FSHB: variants seen among roughly 807,000 people sequenced by gnomAD.
FSHB encodes the protein follitropin subunit beta.
In FSHB, 8 loss-of-function variants were observed where a neutral mutation model predicts 12.1. The ratio of observed to expected loss-of-function variants is 0.66; its 90% CI spans 0.39 to 1.19. FSHB has a LOEUF of 1.19. Among genes scored for constraint, FSHB ranks in the 50% most tolerant of loss-of-function variants. The pLI is 0.01. For synonymous variants in FSHB, 55 were observed against 54.6 expected, an observed-to-expected ratio of 1.01 and a Z score of -0.04; for missense variants, 153 against 157.2, an observed-to-expected ratio of 0.97 and a Z score of 0.14.
rs925059416 is a variant in FSHB, at chr11:30,235,107, G to T, written c.*1307G>T. The T allele has an allele frequency of 6.6e-6, 1 of 151,946 alleles. No individual in the cohort carries two copies. Among genetic ancestry groups the T allele is most frequent in the African/African-American group, 2.4e-5 (1 of 41,370 alleles). 9.4% of individuals were successfully genotyped at this position (151,946 alleles called of 1,614,324 possible). ...ATATTCTGTATTTTATAATATTAGTGGAATGAAATCTTAAAATATAATTCC... is the reference window on the plus strand; with the variant it reads ...ATATTCTGTATTTTATAATATTAGTTGAATGAAATCTTAAAATATAATTCC... On this transcript the variant is annotated 3_prime_UTR_variant, in exon 3 of 3. Transcript: ENST00000533718.
In FSHB at chr11:30,233,551, C is replaced by A; in HGVS notation, c.160-19C>A. Reference sequence around the variant, plus strand: ...ACTTCCACAATACCATAACCTAACTCTCTTCTTAAACTCCTCAGGATCTGG... The same window carrying A: ...ACTTCCACAATACCATAACCTAACTATCTTCTTAAACTCCTCAGGATCTGG... On this transcript the variant is annotated intron_variant, in intron 2 of 2. Coordinates refer to ENST00000533718, the MANE Select transcript of FSHB (RefSeq NM_001382289.1). 1.3e-6 allele frequency: 2 copies of A among 1,587,512 alleles called. No homozygotes were observed. The highest frequency in any genetic ancestry group is 1.7e-6 in the Non-Finnish European group (2 of 1,155,932).
In FSHB at chr11:30,233,926, CCTGGTCTACTGG is replaced by C; in HGVS notation, c.*128_*139del. 1 of 783,194 alleles carries C rather than the reference CCTGGTCTACTGG, an allele frequency of 1.3e-6. No individual in the cohort carries two copies. Among genetic ancestry groups the C allele is most frequent in the South Asian group, 1.5e-5 (1 of 67,506 alleles). The allele number at this position is 783,194 out of a possible 1,614,324, so 48.5% of individuals were successfully genotyped here. A position where few individuals can be genotyped will look rare whatever the true frequency, so the allele number is the denominator to read the frequency against. ...TCAGGGGATTCAGACTCTACTGATC[CCTGGTCTACTGG>C]CAGAGGGAACTCTGGGAATTGAGAG... On this transcript the variant is annotated 3_prime_UTR_variant, in exon 3 of 3. Transcript: ENST00000533718.
At position 30,234,996 on chromosome 11, in the gene FSHB, T is replaced by A. The variant is rs992487772; in HGVS notation, c.*1196T>A. ...TTTCACACTCATATTGTTTAACTAA[T>A]TTATTTAAATCTTATTTTTTTAATA... On this transcript the variant is annotated 3_prime_UTR_variant, in exon 3 of 3. Transcript: ENST00000533718. 1.3e-5 allele frequency: 2 copies of A among 152,198 alleles called. No individual in the cohort carries two copies. Among genetic ancestry groups the A allele is most frequent in the Non-Finnish European group, 2.9e-5 (2 of 68,028 alleles). 9.4% of individuals were successfully genotyped at this position (152,198 alleles called of 1,614,324 possible). A position where few individuals can be genotyped will look rare whatever the true frequency, so the allele number is the denominator to read the frequency against.
rs1235254538 is a variant in FSHB, at chr11:30,234,330, G to T, written c.*530G>T. On this transcript the variant is annotated 3_prime_UTR_variant, in exon 3 of 3. Coordinates refer to ENST00000533718, the MANE Select transcript of FSHB (RefSeq NM_001382289.1). ...GAAAATACTGGAAGACGATGTTTGA[G>T]GTAAGCTGATGAGGCTGCCCGCAGC... 2 of 169,328 alleles carry T rather than the reference G, an allele frequency of 1.2e-5. No homozygotes were observed. The highest frequency in any genetic ancestry group is 2.4e-5 in the African/African-American group (1 of 41,722). The allele number at this position is 169,328 out of a possible 1,614,324, so 10.5% of individuals were successfully genotyped here.
At position 30,233,782 on chromosome 11, in the gene FSHB, T is replaced by C. The variant is rs1735749165; in HGVS notation, c.372T>C (p.Phe124=). 1 of 1,613,632 alleles carries C rather than the reference T, an allele frequency of 6.2e-7. No homozygotes were observed. The change falls in exon 3 of 3, where the codon TTT becomes TTC. Residue 124 remains phenylalanine (F), a synonymous_variant. Transcript: ENST00000533718. ...VRGLGPSYCS[F]GEMKE ...GCCTGGGGCCCAGCTACTGCTCCTT[T>C]GGTGAAATGAAAGAATAAAGATCAG...
At chr11:30,231,235 G>A (rs1396102822) in intron 1 of FSHB, among the ~76,000 whole-genome samples, 187 bp downstream of exon 1, 1 of 152,158 alleles carries the variant, frequency 6.6e-6, no homozygotes, top group African/African-American at 2.4e-5. Flanking sequence ...TGACTTTATA[G>A]ACCAATATGC....
chr11:30,233,997 C>G lies in FSHB; in HGVS notation c.*197C>G. 6.6e-6 allele frequency: 4 copies of G among 604,404 alleles called. No homozygotes were observed. In the South Asian group the frequency reaches 7.4e-5, roughly 11 times the overall value. 37.4% of individuals were successfully genotyped at this position (604,404 alleles called of 1,614,324 possible). A position where few individuals can be genotyped will look rare whatever the true frequency, so the allele number is the denominator to read the frequency against. Reference sequence around the variant, plus strand: ...GCCAGGACTCCATCATGATTCAGCTCTATATTCCTAGGTCTGATTTCATAA... The same window carrying G: ...GCCAGGACTCCATCATGATTCAGCTGTATATTCCTAGGTCTGATTTCATAA... On this transcript the variant is annotated 3_prime_UTR_variant, in exon 3 of 3. Transcript: ENST00000533718.
Position 30,233,652 on chromosome 11 carries a change from T to C in FSHB, c.242T>C (p.Val81Ala). 1.9e-6 allele frequency: 3 copies of C among 1,613,990 alleles called. No homozygotes were observed. Among genetic ancestry groups the C allele is most frequent in the Non-Finnish European group, 2.5e-6 (3 of 1,179,952 alleles). The change falls in exon 3 of 3, where the codon GTG becomes GCG. Residue 81 changes from valine (V) to alanine (A), a missense_variant. Transcript: ENST00000533718. ...GAACTGGTATACGAAACAGTGAGAG[T>C]GCCCGGCTGTGCTCACCATGCAGAT... ...FKELVYETVR[V>A]PGCAHHADSL...
chr11:30,232,005 T>G lies in FSHB; in HGVS notation c.103T>G (p.Cys35Gly), dbSNP rs989734200. 6.2e-7 allele frequency: 1 copy of G among 1,613,990 alleles called. No homozygotes were observed. The highest frequency in any genetic ancestry group is 8.5e-7 in the Non-Finnish European group (1 of 1,179,880). The change falls in exon 2 of 3, where the codon TGT (cysteine) becomes GGT (glycine). Residue 35 changes from cysteine (C) to glycine (G), a missense_variant. Transcript: ENST00000533718. ...NITIAIEKEE[C>G]RFCISINTTW... ...CACCATTGCAATAGAGAAAGAAGAA[T>G]GTCGTTTCTGCATAAGCATCAACAC...
Position 30,233,917 on chromosome 11 carries a change from C to T in FSHB, c.*117C>T. On this transcript the variant is annotated 3_prime_UTR_variant, in exon 3 of 3. Coordinates refer to ENST00000533718, the MANE Select transcript of FSHB (RefSeq NM_001382289.1). ...ACCACTGGATCAGGGGATTCAGACT[C>T]TACTGATCCCTGGTCTACTGGCAGA... 1 of 817,188 alleles carries T rather than the reference C, an allele frequency of 1.2e-6. No homozygotes were observed. Among genetic ancestry groups the T allele is most frequent in the Non-Finnish European group, 2.0e-6 (1 of 491,872 alleles). The allele number at this position is 817,188 out of a possible 1,614,324, so 50.6% of individuals were successfully genotyped here.
chr11:30,231,757 A>C, intron 1 of FSHB, 109 bp from the exon 2 acceptor site: 1 of 803,242 alleles, frequency 1.2e-6, no homozygotes, highest in Non-Finnish European at 2.1e-6. Context: ...AAAAGGCATA[A>C]GGAAGGAAAA....
rs1173556544 is a variant in FSHB at position 30,234,572 on chromosome 11, T to G, written c.*772T>G. 3 of 152,198 alleles carry G rather than the reference T, an allele frequency of 2.0e-5. No individual in the cohort carries two copies. The highest frequency in any genetic ancestry group is 4.4e-5 in the Non-Finnish European group (3 of 68,100). 9.4% of individuals were successfully genotyped at this position (152,198 alleles called of 1,614,324 possible). A position where few individuals can be genotyped will look rare whatever the true frequency, so the allele number is the denominator to read the frequency against. ...GTGGAAATTAGCCTGCCTCTATTCA[T>G]TACTTAAACAAATTGATCACATGCT... On this transcript the variant is annotated 3_prime_UTR_variant, in exon 3 of 3. Coordinates refer to ENST00000533718, the MANE Select transcript of FSHB (RefSeq NM_001382289.1).
Position 30,233,951 on chromosome 11 carries a change from T to C in FSHB, c.*151T>C. 5.7e-6 allele frequency: 4 copies of C among 704,102 alleles called. No individual in the cohort carries two copies. Among genetic ancestry groups the C allele is most frequent in the East Asian group, 2.7e-5 (1 of 36,758 alleles). 43.6% of individuals were successfully genotyped at this position (704,102 alleles called of 1,614,324 possible). ...CCTGGTCTACTGGCAGAGGGAACTC[T>C]GGGAATTGAGAGTGCTGGGGGCCAG... On this transcript the variant is annotated 3_prime_UTR_variant, in exon 3 of 3. Transcript: ENST00000533718.
At chr11:30,231,638 T>C (rs1852007365) in intron 1 of FSHB, among the ~76,000 whole-genome samples, 1 of 152,220 alleles carries the variant, frequency 6.6e-6, no homozygotes, top group Non-Finnish European at 1.5e-5. Context: ...AATATTCCTC[T>C]GCTTAAATCA....
In FSHB at chr11:30,233,761, G is replaced by C. The variant is rs372140683; in HGVS notation, c.351G>C (p.Leu117=). ...GCACTGATTGTACTGTGCGAGGCCT[G>C]GGGCCCAGCTACTGCTCCTTTGGTG... ...SDSTDCTVRG[L]GPSYCSFGEM... The change falls in exon 3 of 3, where the codon CTG becomes CTC. Residue 117 remains leucine (L), a synonymous_variant. Coordinates refer to ENST00000533718, the MANE Select transcript of FSHB (RefSeq NM_001382289.1). 6.2e-7 allele frequency: 1 copy of C among 1,613,996 alleles called. No homozygotes were observed. Among genetic ancestry groups the C allele is most frequent in the Admixed American group, 1.7e-5 (1 of 59,994 alleles).
In FSHB at chr11:30,231,864, A is replaced by T; in HGVS notation, c.-37-2A>T. 1 of 1,610,886 alleles carries T rather than the reference A, an allele frequency of 6.2e-7. No individual in the cohort carries two copies. Among genetic ancestry groups the T allele is most frequent in the Non-Finnish European group, 8.5e-7 (1 of 1,177,306 alleles). On this transcript the variant is annotated splice_acceptor_variant, in intron 1 of 2. Transcript: ENST00000533718. LOFTEE classifies it low-confidence loss of function (5UTR_SPLICE). ...AATGATTATCGTTCTTTGGTTTCTC[A>T]GTTTCTAGTGGGCTTCATTGTTTGC...
chr11:30,232,704 A>G (rs777655062), intron 2 of FSHB, among the ~76,000 whole-genome samples: 1 of 152,212 alleles, frequency 6.6e-6, no homozygotes, highest in Non-Finnish European at 1.5e-5. Context: ...AAGTAGAGAA[A>G]TAGTTTCCAT....
intron 2 of FSHB, 137 bp downstream of exon 2, chr11:30,232,198 G>A: frequency 1.1e-6 from 1 of 892,866 alleles, no homozygotes. Context: ...TCTGTGTTGT[G>A]ATTGGGGTTA....
chr11:30,231,849 GTTCTTTGGT>G lies in FSHB; in HGVS notation c.-37-12_-37-4del. ...TTGGTCAGCTTACATAATGATTATC[GTTCTTTGGT>G]TTCTCAGTTTCTAGTGGGCTTCATT... On this transcript the variant is annotated splice_polypyrimidine_tract_variant and splice_region_variant and intron_variant, in intron 1 of 2. Coordinates refer to ENST00000533718, the MANE Select transcript of FSHB (RefSeq NM_001382289.1). 1 of 1,596,528 alleles carries G rather than the reference GTTCTTTGGT, an allele frequency of 6.3e-7. No homozygotes were observed. Among genetic ancestry groups the G allele is most frequent in the South Asian group, 1.1e-5 (1 of 90,584 alleles).
Sources: gnomAD v4.1 joint callset for allele counts (sites outside exome capture counted in the v4.1 genomes callset) on GRCh38, gnomAD v4.1.1 for gene constraint, MANE v1.5 for transcripts, NCBI Gene and HGNC (gene_info 2026-07-23, HGNC 2026-07-21) for gene names.